Variants in WASHC2C observed in about 807,000 individuals in gnomAD.
WASHC2C encodes the protein Vaccinia Penetration Factor.
WASHC2C carries 73 observed loss-of-function variants against 142.2 expected under a neutral mutation model. The ratio of observed to expected loss-of-function variants is 0.51; its 90% CI spans 0.43 to 0.62. The LOEUF is 0.62. Ranked by LOEUF, WASHC2C falls within the 20% of genes least tolerant of loss-of-function variation. The pLI is 0.00. For missense variants in WASHC2C, 969 were observed against 1,531.7 expected (o/e 0.63, Z 6.13); for synonymous variants, 337 against 565.5 (o/e 0.60, Z 5.73).
chr10:45,761,869 G>A (rs189877925), intron 17 of WASHC2C, among the ~76,000 whole-genome samples: 20 of 152,282 alleles, frequency 1.3e-4, no homozygotes, highest in Non-Finnish European at 2.8e-4. Context: ...CGGGATGCCT[G>A]GAATCCCCCA....
intron 23 of WASHC2C, among the ~76,000 whole-genome samples, chr10:45,779,999 A>C (rs2057375207): frequency 6.6e-6 from 1 of 151,104 alleles, no homozygotes; most frequent in Non-Finnish European, 1.5e-5. Flanking sequence ...AAAAAAAAAA[A>C]AAATAGATGA....
At chr10:45,770,097 C>T (rs575046911) in intron 20 of WASHC2C, among the ~76,000 whole-genome samples, 10 of 151,300 alleles carry the variant, frequency 6.6e-5, no homozygotes, top group South Asian at 2.1e-4. Context: ...AAAAATTAGC[C>T]GGGTGTGGTG....
chr10:45,749,857 TTA>T (rs1199440572), intron 8 of WASHC2C, among the ~76,000 whole-genome samples: 9 of 88,814 alleles, frequency 1.0e-4, no homozygotes, highest in East Asian at 3.5e-4. Context: ...ATATATATAT[TTA>T]TATATATATA....
rs575674877 is a variant in WASHC2C, at chr10:45,762,734, T to C, written c.1636-654T>C. ...TCCTGGCTAACATGGTGAAACCCCGTCTCTACTAAAAATACAAAAAAATTA... is the reference window on the plus strand; with the variant it reads ...TCCTGGCTAACATGGTGAAACCCCGCCTCTACTAAAAATACAAAAAAATTA... On this transcript the variant is annotated intron_variant, in intron 17 of 30. Transcript: ENST00000623400. Among the ~76,000 whole-genome samples the C allele has an allele frequency of 7.5e-4, 114 of 152,186 alleles. 2 individuals are homozygous for C. Among genetic ancestry groups the C allele is most frequent in the African/African-American group, 2.6e-3 (108 of 41,538 alleles).
At chr10:45,730,359 A>G (rs1335447037) in intron 3 of WASHC2C, among the ~76,000 whole-genome samples, 3 of 149,784 alleles carry the variant, frequency 2.0e-5, no homozygotes, top group African/African-American at 7.3e-5. Flanking sequence ...AAAAAAAAAA[A>G]AAGTATTCAA....
At chr10:45,767,112 C>T (rs1554882704) in intron 19 of WASHC2C, among the ~76,000 whole-genome samples, 1 of 149,632 alleles carries the variant, frequency 6.7e-6, no homozygotes, top group African/African-American at 2.5e-5. Context: ...ATTAAAAATA[C>T]AAAAAAATTA....
chr10:45,759,026 C>T lies in WASHC2C; in HGVS notation c.1549-289C>T, dbSNP rs1199011988. Among the ~76,000 whole-genome samples, 86 of 147,924 alleles carry T rather than the reference C, an allele frequency of 5.8e-4. No individual in the cohort carries two copies. In the East Asian group the frequency reaches 0.014, roughly 24 times the overall value. On this transcript the variant is annotated intron_variant, in intron 16 of 30. Coordinates refer to ENST00000623400, the MANE Select transcript of WASHC2C (RefSeq NM_001330074.2). The stretch of plus-strand genomic sequence containing the variant: ...CTAAGGCCCAGCATTCAGAACCTGT[C>T]AGGCCCGTCAGGCAGCCTGTCTTTC...
chr10:45,784,261 T>C (rs1271999848), intron 23 of WASHC2C, among the ~76,000 whole-genome samples: 37 of 5,072 alleles, frequency 7.3e-3, no homozygotes, highest in South Asian at 0.021. Flanking sequence ...TGTATATATA[T>C]ATATATATAT....
At chr10:45,762,060 A>G (rs1266951819) in intron 17 of WASHC2C, among the ~76,000 whole-genome samples, 3 of 150,750 alleles carry the variant, frequency 2.0e-5, no homozygotes, top group African/African-American at 4.9e-5. Flanking sequence ...TTCTTGTCCT[A>G]TTTAATTGTT....
rs1305333868 is a variant in WASHC2C at position 45,784,293 on chromosome 10, C to CACACATATAT, written c.2479-271_2479-270insCACATATATA. ...ATATATATATATATATATATATACA[C>CACACATATAT]ATATATATATATATATATACACACA... On this transcript the variant is annotated intron_variant, in intron 23 of 30. Transcript: ENST00000623400. 5.9e-3 allele frequency among the ~76,000 whole-genome samples: 374 copies of CACACATATAT among 63,626 alleles called. 6 individuals are homozygous for CACACATATAT. Among genetic ancestry groups the CACACATATAT allele is most frequent in the East Asian group, 0.01 (17 of 1,688 alleles). 41.7% of individuals were successfully genotyped at this position (63,626 alleles called of 152,430 possible). A position where few individuals can be genotyped will look rare whatever the true frequency, so the allele number is the denominator to read the frequency against.
intron 23 of WASHC2C, among the ~76,000 whole-genome samples, chr10:45,779,727 C>T (rs1554887523): frequency 6.6e-6 from 1 of 152,042 alleles, no homozygotes; most frequent in African/African-American, 2.4e-5. Flanking sequence ...TGGCTCACAC[C>T]TGTAATCCCA....
At chr10:45,748,497 C>T (rs1448782289) in intron 8 of WASHC2C, among the ~76,000 whole-genome samples, 23 of 152,124 alleles carry the variant, frequency 1.5e-4, no homozygotes, top group Admixed American at 7.9e-4. Context: ...GCCATGTTGG[C>T]GCGGCTGGTC....
rs1199847682 is a variant in WASHC2C, at chr10:45,734,866, A to G, written c.292-3117A>G. On this transcript the variant is annotated intron_variant, in intron 3 of 30. Transcript: ENST00000623400. The stretch of plus-strand genomic sequence containing the variant: ...CTCCTGAATAGCTGGCTAGGACCAC[A>G]GGTGTTCGCCACCATGCCTGGCCAA... Among the ~76,000 whole-genome samples the G allele has an allele frequency of 5.3e-5, 8 of 151,654 alleles. No homozygotes were observed. The South Asian group carries it at 1.2e-3, about 24-fold the overall frequency.
chr10:45,733,490 T>C (rs2050852421), intron 3 of WASHC2C, among the ~76,000 whole-genome samples: 1 of 152,140 alleles, frequency 6.6e-6, no homozygotes, highest in South Asian at 2.1e-4. Context: ...CAGTCCTGGG[T>C]ATAGCTATCT....
intron 23 of WASHC2C, among the ~76,000 whole-genome samples, chr10:45,784,276 A>ATATG (rs1554888973): frequency 1.5e-4 from 1 of 6,544 alleles, no homozygotes; most frequent in Non-Finnish European, 4.6e-4. Flanking sequence ...ATATATATAT[A>ATATG]TATATATATA....
chr10:45,783,626 G>A (rs1471741095), intron 23 of WASHC2C, among the ~76,000 whole-genome samples: 569 of 132,432 alleles, frequency 4.3e-3, no homozygotes, highest in Middle Eastern at 7.8e-3. Context: ...ACACCCGGCT[G>A]ATCTTTGTAT....
At chr10:45,748,768 TAA>T (rs1554872462) in intron 8 of WASHC2C, among the ~76,000 whole-genome samples, 7 of 152,106 alleles carry the variant, frequency 4.6e-5, no homozygotes, top group Non-Finnish European at 1.0e-4. Flanking sequence ...AAAATTTTTT[TAA>T]TTATACATAG....
At chr10:45,762,307 G>T (rs1186219040) in intron 17 of WASHC2C, among the ~76,000 whole-genome samples, 2 of 152,142 alleles carry the variant, frequency 1.3e-5, no homozygotes, top group African/African-American at 4.8e-5. Flanking sequence ...CTGCCTTCCA[G>T]GTTCAAGCAA....
intron 17 of WASHC2C, among the ~76,000 whole-genome samples, chr10:45,762,945 G>A (rs2257650): frequency 9.0e-3 from 1,171 of 130,694 alleles, no homozygotes; most frequent in African/African-American, 0.025. Context: ...CTTAGGAGAG[G>A]AGGGTGTTAC....
Sources: allele counts gnomAD v4.1 joint callset (sites outside exome capture counted in the v4.1 genomes callset), GRCh38; gene constraint gnomAD v4.1.1; transcripts MANE v1.5; gene names NCBI Gene and HGNC (gene_info 2026-07-23, HGNC 2026-07-21).